ZNF273: variants seen among roughly 807,000 people sequenced by gnomAD.
ZNF273 encodes zinc finger protein 273.
ZNF273 carries 11 observed loss-of-function variants against 14.9 expected under a neutral mutation model. The observed-to-expected ratio is 0.74, with a 90% confidence interval of 0.46 to 1.22. The LOEUF (loss-of-function observed/expected upper bound fraction) is 1.22, where lower values mean the gene tolerates loss of function less well. Among genes scored for constraint, ZNF273 ranks in the 50% most tolerant of loss-of-function variants. The probability of loss-of-function intolerance (pLI) is 0.00; values close to 1 mark genes in which losing one functional copy is unlikely to be tolerated. For missense variants in ZNF273, 577 were observed against 660.6 expected, an observed-to-expected ratio of 0.87 and a Z score of 1.39; for synonymous variants, 199 against 223.9, an observed-to-expected ratio of 0.89 and a Z score of 0.99.
At chr7:64,908,805 G>C (rs1793288221) in intron 1 of ZNF273, among the ~76,000 whole-genome samples, 1 of 152,084 alleles carries the variant, frequency 6.6e-6, no homozygotes, top group South Asian at 2.1e-4. Context: ...TAAAGATGAT[G>C]GTCTCCAGCT....
downstream of ZNF273, among the ~76,000 whole-genome samples, chr7:64,890,451 G>A (rs751649637): frequency 3.3e-5 from 5 of 152,086 alleles, no homozygotes; most frequent in Admixed American, 6.5e-5. Context: ...ACTGGGGCCA[G>A]ATTGCCCTCA....
downstream of ZNF273, chr7:64,882,524 G>C (rs1458164147): frequency 6.6e-6 from 1 of 152,266 alleles, no homozygotes; most frequent in African/African-American, 2.4e-5. Context: ...CAAGGCGCCA[G>C]CGGCGAGCAC....
At chr7:64,890,221 T>TGTGTGTGTGTGTGTGTGTGA, downstream of ZNF273, 6 of 64,104 alleles carry the variant, frequency 9.4e-5, no homozygotes, top group East Asian at 2.4e-3. Context: ...TGTGTGTGTG[T>TGTGTGTGTGTGTGTGTGTGA]GAGAGAGAGA....
intron 3 of ZNF273, among the ~76,000 whole-genome samples, chr7:64,924,690 C>T (rs941970304): frequency 3.9e-5 from 6 of 152,090 alleles, no homozygotes; most frequent in Non-Finnish European, 8.8e-5. Context: ...CTGCTGCTCT[C>T]GTTTTGTTAA....
At chr7:64,902,950 T>G (rs943049507), upstream of ZNF273, among the ~76,000 whole-genome samples, 1 of 152,214 alleles carries the variant, frequency 6.6e-6, no homozygotes, top group African/African-American at 2.4e-5. Context: ...TTAGTGATTT[T>G]GGGGCCGCAA....
downstream of ZNF273, among the ~76,000 whole-genome samples, chr7:64,934,285 G>T (rs1481621854): frequency 6.6e-6 from 1 of 151,844 alleles, no homozygotes; most frequent in Admixed American, 6.6e-5. Flanking sequence ...TGTCCTGTTT[G>T]TTGTATCAGA....
intron 1 of ZNF273, among the ~76,000 whole-genome samples, chr7:64,885,431 TCTTGGTCACATTTG>T (rs1284973464): frequency 6.6e-6 from 1 of 152,222 alleles, no homozygotes; most frequent in Non-Finnish European, 1.5e-5. Context: ...AAATTGTACC[TCTTGGTCACATTTG>T]CTACTCATTA....
At chr7:64,903,269 C>T (rs777111505), upstream of ZNF273, 6 of 1,500,356 alleles carry the variant, frequency 4.0e-6, no homozygotes, top group African/African-American at 2.8e-5. Context: ...TTGGCGGGGC[C>T]TTTGTCTCTC....
At chr7:64,926,086 G>A (rs1794756900) in intron 3 of ZNF273, among the ~76,000 whole-genome samples, 1 of 127,586 alleles carries the variant, frequency 7.8e-6, no homozygotes, top group African/African-American at 2.9e-5. Context: ...TGGTTATTTT[G>A]GAAGATCTTT....
downstream of ZNF273, among the ~76,000 whole-genome samples, chr7:64,894,427 T>C (rs1333350657): frequency 6.6e-6 from 1 of 152,216 alleles, no homozygotes; most frequent in Non-Finnish European, 1.5e-5. Flanking sequence ...AAGATTGGTG[T>C]ATACAAACAA....
intron 3 of ZNF273, among the ~76,000 whole-genome samples, chr7:64,927,019 C>T (rs557605011): frequency 2.0e-5 from 3 of 152,074 alleles, no homozygotes; most frequent in Non-Finnish European, 2.9e-5. Context: ...CTGGAAAGGC[C>T]CCTAGAAGTC....
chr7:64,925,612 A>AT (rs1197418298), intron 3 of ZNF273, among the ~76,000 whole-genome samples: 2 of 151,642 alleles, frequency 1.3e-5, no homozygotes, highest in Non-Finnish European at 2.9e-5. Context: ...TAATTTTTGT[A>AT]TTTTTTTAGT....
chr7:64,888,889 C>T, downstream of ZNF273: 1 of 985,300 alleles, frequency 1.0e-6, no homozygotes, highest in Non-Finnish European at 1.2e-6. Flanking sequence ...GAAACGGAGG[C>T]CCTGAGTGCC....
At chr7:64,900,091 A>G (rs1030836427), upstream of ZNF273, among the ~76,000 whole-genome samples, 1 of 150,818 alleles carries the variant, frequency 6.6e-6, no homozygotes, top group Non-Finnish European at 1.5e-5. Flanking sequence ...ATGATTAGGT[A>G]TGCTTTATGC....
upstream of ZNF273, among the ~76,000 whole-genome samples, chr7:64,900,179 T>G (rs1051293125): frequency 2.0e-5 from 3 of 151,434 alleles, no homozygotes; most frequent in Non-Finnish European, 4.4e-5. Context: ...CAGGCTGGAG[T>G]GCAGTTGTGT....
At chr7:64,933,951 T>C (rs1247434112), downstream of ZNF273, among the ~76,000 whole-genome samples, 1 of 152,240 alleles carries the variant, frequency 6.6e-6, no homozygotes, top group Admixed American at 6.5e-5. Context: ...AAATACATTA[T>C]TATGAACCAT....
At chr7:64,931,750 A>G (rs939594352), downstream of ZNF273, among the ~76,000 whole-genome samples, 2 of 152,172 alleles carry the variant, frequency 1.3e-5, no homozygotes, top group Non-Finnish European at 2.9e-5. Flanking sequence ...TGCTTGATCT[A>G]TAACAGATGC....
rs756759123 is a variant in ZNF273, at chr7:64,903,296, C to T, written c.-22C>T. 1.3e-6 allele frequency: 2 copies of T among 1,587,190 alleles called. No individual in the cohort carries two copies. Among genetic ancestry groups the T allele is most frequent in the Non-Finnish European group, 8.6e-7 (1 of 1,157,642 alleles). The stretch of plus-strand genomic sequence containing the variant: ...TTGTCTCTCGCTGCAGTCGCAGCTC[C>T]AGGTCTCGTCTTCACTGCTCTATGT... On this transcript the variant is annotated 5_prime_UTR_variant, in exon 1 of 4. Coordinates refer to ENST00000476120, the MANE Select transcript of ZNF273 (RefSeq NM_021148.3).
chr7:64,934,801 A>G (rs898381278), downstream of ZNF273, among the ~76,000 whole-genome samples: 9 of 152,146 alleles, frequency 5.9e-5, no homozygotes, highest in African/African-American at 2.2e-4. Flanking sequence ...TTTGTGGGGT[A>G]TCATATAAAT....
Sources: allele counts gnomAD v4.1 joint callset (sites outside exome capture counted in the v4.1 genomes callset), GRCh38; gene constraint gnomAD v4.1.1; transcripts MANE v1.5; gene names NCBI Gene and HGNC (gene_info 2026-07-23, HGNC 2026-07-21).